The following REPS1 variants were observed in gnomAD, a reference collection of about 807,000 sequenced individuals.
The protein encoded by REPS1 is RALBP1 associated Eps domain containing 1, also known as ralBP1-associated Eps domain-containing protein 1.
A neutral mutation model predicts 100.9 loss-of-function variants in REPS1; 39 were observed. That is an observed-to-expected ratio of 0.39 (90% confidence interval 0.30 to 0.50). REPS1 has a LOEUF of 0.50. Among genes scored for constraint, REPS1 ranks in the 20% least tolerant of loss-of-function variants. The probability of loss-of-function intolerance (pLI) is 0.86; values close to 1 mark genes in which losing one functional copy is unlikely to be tolerated. For missense variants in REPS1, 821 were observed against 968.5 expected (o/e 0.85, Z 2.02); for synonymous variants, 324 against 340.3 (o/e 0.95, Z 0.53).
At chr6:138,973,951 A>G (rs1352884478) in intron 1 of REPS1, among the ~76,000 whole-genome samples, 1 of 152,172 alleles carries the variant, frequency 6.6e-6, no homozygotes, top group Non-Finnish European at 1.5e-5. Flanking sequence ...ACAATGTGCC[A>G]GGAATACAGT....
intron 8 of REPS1, among the ~76,000 whole-genome samples, chr6:138,936,908 T>C (rs545621841): frequency 2.6e-5 from 4 of 152,326 alleles, no homozygotes; most frequent in South Asian, 2.1e-4. Flanking sequence ...ATAAATGTGA[T>C]AGCTCTATAT....
intron 1 of REPS1, among the ~76,000 whole-genome samples, chr6:138,977,204 C>T (rs752148908): frequency 6.6e-6 from 1 of 152,198 alleles, no homozygotes; most frequent in Non-Finnish European, 1.5e-5. Context: ...AAGTATTTTC[C>T]TCCATACCAT....
At chr6:138,964,129 C>T (rs981387301) in intron 1 of REPS1, among the ~76,000 whole-genome samples, 1 of 152,138 alleles carries the variant, frequency 6.6e-6, no homozygotes, top group Non-Finnish European at 1.5e-5. Context: ...TGATTTCAAG[C>T]CTGCACACCA....
At chr6:138,923,100 A>C (rs550560201) in intron 10 of REPS1, among the ~76,000 whole-genome samples, 1 of 152,340 alleles carries the variant, frequency 6.6e-6, no homozygotes, top group South Asian at 2.1e-4. Context: ...GTTACAAATA[A>C]TATTAACATT....
At chr6:138,982,846 A>T (rs926291074) in intron 1 of REPS1, among the ~76,000 whole-genome samples, 3 of 152,240 alleles carry the variant, frequency 2.0e-5, no homozygotes, top group Admixed American at 1.3e-4. Context: ...AGTGGTAATA[A>T]AGAAAAATTG....
intron 11 of REPS1, among the ~76,000 whole-genome samples, chr6:138,920,533 A>T (rs1780688133): frequency 1.3e-5 from 2 of 152,212 alleles, no homozygotes; most frequent in Non-Finnish European, 2.9e-5. Flanking sequence ...ATAATGAAAA[A>T]GTTTATTTGC....
chr6:138,908,468 TG>T (rs1361464734), intron 18 of REPS1, among the ~76,000 whole-genome samples, 199 bp downstream of exon 18: 6 of 152,134 alleles, frequency 3.9e-5, no homozygotes, highest in African/African-American at 7.2e-5. Context: ...CTAATTTTTT[TG>T]TATTTTTAGC....
chr6:138,961,047 A>G (rs1783705223), intron 1 of REPS1, among the ~76,000 whole-genome samples: 1 of 152,186 alleles, frequency 6.6e-6, no homozygotes. Context: ...CCAATACCTA[A>G]GTCAGCTATT....
At chr6:138,956,364 C>G (rs557088313) in intron 1 of REPS1, among the ~76,000 whole-genome samples, 5 of 151,848 alleles carry the variant, frequency 3.3e-5, no homozygotes, top group Non-Finnish European at 7.4e-5. Flanking sequence ...AGAGACTCAC[C>G]CAGAAATGCT....
chr6:138,943,683 T>G (rs1782415213), intron 6 of REPS1, 107 bp from the exon 7 acceptor site: 1 of 1,003,110 alleles, frequency 1.0e-6, no homozygotes, highest in Non-Finnish European at 1.4e-6. Flanking sequence ...ATTTTTAATA[T>G]GTGAATATGT....
intron 7 of REPS1, among the ~76,000 whole-genome samples, chr6:138,941,910 G>A (rs1264295497): frequency 6.6e-6 from 1 of 151,984 alleles, no homozygotes; most frequent in African/African-American, 2.4e-5. Flanking sequence ...ATGGAATCTC[G>A]CTCTGTCACC....
intron 1 of REPS1, among the ~76,000 whole-genome samples, chr6:138,983,712 C>T (rs1785085851): frequency 6.6e-6 from 1 of 152,158 alleles, no homozygotes; most frequent in Admixed American, 6.5e-5. Context: ...AACCAAGGTC[C>T]TGATATGTAT....
chr6:138,929,710 T>C (rs1362148709), intron 9 of REPS1: 1 of 289,104 alleles, frequency 3.5e-6, no homozygotes, highest in East Asian at 6.5e-5. Flanking sequence ...GCCAAGTCAT[T>C]TACCTTTTGA....
intron 1 of REPS1, among the ~76,000 whole-genome samples, chr6:138,966,711 G>A (rs190950186): frequency 2.2e-4 from 33 of 152,122 alleles, no homozygotes; most frequent in Admixed American, 1.3e-3. Flanking sequence ...CATAAAACAC[G>A]AGTTGTTAAG....
chr6:138,964,993 G>A (rs1783935352), intron 1 of REPS1, among the ~76,000 whole-genome samples: 1 of 152,096 alleles, frequency 6.6e-6, no homozygotes, highest in Non-Finnish European at 1.5e-5. Context: ...AGCTTAAGAA[G>A]TTTATAGTTC....
chr6:138,921,797 C>T (rs1034866694), intron 10 of REPS1, among the ~76,000 whole-genome samples: 1 of 151,944 alleles, frequency 6.6e-6, no homozygotes, highest in East Asian at 1.9e-4. Context: ...AGGCTGGTCT[C>T]GAACTCCTGA....
intron 1 of REPS1, among the ~76,000 whole-genome samples, chr6:138,957,525 T>C (rs946028624): frequency 3.3e-5 from 5 of 152,188 alleles, no homozygotes; most frequent in Non-Finnish European, 5.9e-5. Context: ...TGGAAAAATA[T>C]TGAAGGATGT....
intron 2 of REPS1, among the ~76,000 whole-genome samples, chr6:138,947,236 C>A (rs6906939): frequency 0.019 from 2,906 of 152,236 alleles, 88 homozygotes; most frequent in African/African-American, 0.066. Flanking sequence ...TTAAAATGGA[C>A]TAATACAAAC....
In REPS1 at chr6:138,930,045, GAGCTTC is replaced by G. The variant is rs779936817; in HGVS notation, c.1183_1188del (p.Glu395_Ala396del). 1 of 1,613,640 alleles carries G rather than the reference GAGCTTC, an allele frequency of 6.2e-7. No homozygotes were observed. The highest frequency in any genetic ancestry group is 8.5e-7 in the Non-Finnish European group (1 of 1,179,648). The stretch of plus-strand genomic sequence containing the variant: ...GGCATCGATGGTGACTTGCTTGGAG[GAGCTTC>G]AGCAGGAGAGCCTGAATAACCTACC... On this transcript the variant is annotated inframe_deletion, in exon 9 of 20. Transcript: ENST00000450536.
Sources: gnomAD v4.1 joint callset for allele counts (sites outside exome capture counted in the v4.1 genomes callset) on GRCh38, gnomAD v4.1.1 for gene constraint, MANE v1.5 for transcripts, NCBI Gene and HGNC (gene_info 2026-07-23, HGNC 2026-07-21) for gene names.